RO60: variants seen among roughly 807,000 people sequenced by gnomAD.
The protein encoded by RO60 is RNA-binding protein RO60.
Under a neutral mutation model 55.3 loss-of-function variants are expected in RO60, and 20 were observed. That is an observed-to-expected ratio of 0.36 (90% confidence interval 0.25 to 0.53). The LOEUF (loss-of-function observed/expected upper bound fraction) is 0.53. Among genes scored for constraint, RO60 ranks in the 20% least tolerant of loss-of-function variants. The pLI, the probability that RO60 is intolerant of heterozygous loss-of-function variation, is 0.92. For missense variants in RO60, 558 were observed against 646.6 expected (o/e 0.86, Z 1.49); for synonymous variants, 213 against 213.6 (o/e 1.00, Z 0.02).
rs1302762888 is a variant in RO60, at chr1:193,090,531, T to C, written c.*5800T>C. The C allele has an allele frequency of 6.6e-6, 1 of 151,824 alleles. No homozygotes were observed. The highest frequency in any genetic ancestry group is 1.5e-5 in the Non-Finnish European group (1 of 67,948). The allele number at this position is 151,824 out of a possible 1,614,324, so 9.4% of individuals were successfully genotyped here. A position where few individuals can be genotyped will look rare whatever the true frequency, so the allele number is the denominator to read the frequency against. ...TCCTTTTATTGCCAGCTTCTGATAA[T>C]GAAATTTTCCAAAGGGATGAGATAT... On this transcript the variant is annotated 3_prime_UTR_variant, in exon 9 of 9. Coordinates refer to ENST00000400968, the MANE Select transcript of RO60 (RefSeq NM_001173524.2).
intron 1 of RO60, among the ~76,000 whole-genome samples, chr1:193,061,277 G>A (rs2103009304): frequency 6.6e-6 from 1 of 152,274 alleles, no homozygotes; most frequent in East Asian, 1.9e-4. Context: ...TTGATCAGTG[G>A]ATTCAGATAC....
chr1:193,068,216 T>A (rs1673249119), intron 1 of RO60, among the ~76,000 whole-genome samples: 1 of 152,088 alleles, frequency 6.6e-6, no homozygotes, highest in Non-Finnish European at 1.5e-5. Context: ...TGGGCCTGGG[T>A]CAAGCAGCAG....
intron 2 of RO60, among the ~76,000 whole-genome samples, chr1:193,072,843 A>G (rs1358353706): frequency 1.3e-5 from 2 of 152,176 alleles, no homozygotes; most frequent in Non-Finnish European, 2.9e-5. Flanking sequence ...GAATTAGTAG[A>G]TGTTTCCTAA....
chr1:193,059,829 GCGCAAATTCTGACCAGTCCTC>G lies in RO60; in HGVS notation c.-22+55_-22+75del, dbSNP rs1295135027. Reference sequence around the variant, plus strand: ...GAGCCTTTTGTGCGGCCCCAGGGACGCGCAAATTCTGACCAGTCCTCCATGTCTCTCACCCGCATCCCAGGG... The same window carrying G: ...GAGCCTTTTGTGCGGCCCCAGGGACGCATGTCTCTCACCCGCATCCCAGGG... On this transcript the variant is annotated intron_variant, in intron 1 of 8. Coordinates refer to ENST00000400968, the MANE Select transcript of RO60 (RefSeq NM_001173524.2). This position sits in a 1 kb window ranked among gnomAD's most constrained non-coding sequence, Gnocchi z 4.9. The G allele has an allele frequency of 7.4e-7, 1 of 1,358,888 alleles. No individual in the cohort carries two copies. Among genetic ancestry groups the G allele is most frequent in the South Asian group, 1.2e-5 (1 of 86,708 alleles). 84.2% of individuals were successfully genotyped at this position (1,358,888 alleles called of 1,614,324 possible).
At chr1:193,066,207 C>G (rs766761667) in intron 1 of RO60, among the ~76,000 whole-genome samples, 10 of 152,202 alleles carry the variant, frequency 6.6e-5, no homozygotes, top group Admixed American at 1.3e-4. Context: ...TTAAGAAATT[C>G]CTTCAGTTAT....
rs1465255235 is a variant in RO60, at chr1:193,088,801, ATTT to A, written c.*4072_*4074del. The A allele has an allele frequency of 6.6e-6, 1 of 152,100 alleles. No homozygotes were observed. Among genetic ancestry groups the A allele is most frequent in the Non-Finnish European group, 1.5e-5 (1 of 67,996 alleles). The allele number at this position is 152,100 out of a possible 1,614,324, so 9.4% of individuals were successfully genotyped here. ...GAAATTAGTTGTATTTACTGTTTGG[ATTT>A]TATTTAGTGTTTCCTTGATGTCTGT... On this transcript the variant is annotated 3_prime_UTR_variant, in exon 9 of 9. Transcript: ENST00000400968.
chr1:193,061,922 T>TA (rs1672789721), intron 1 of RO60, among the ~76,000 whole-genome samples: 1 of 150,742 alleles, frequency 6.6e-6, no homozygotes, highest in Non-Finnish European at 1.5e-5. Context: ...GGGCGGAGGT[T>TA]ACAGTGAGTG....
At chr1:193,060,065 G>T in intron 1 of RO60, 1 of 1,314,668 alleles carries the variant, frequency 7.6e-7, no homozygotes, top group South Asian at 1.2e-5. Context: ...CCCACAGGCC[G>T]ACGTCGAGAG....
Position 193,087,561 on chromosome 1 carries a change from C to T in RO60, c.*2830C>T, listed in dbSNP as rs531730884. The T allele has an allele frequency of 6.6e-6, 1 of 152,146 alleles. No homozygotes were observed. Among genetic ancestry groups the T allele is most frequent in the Admixed American group, 6.5e-5 (1 of 15,274 alleles). 9.4% of individuals were successfully genotyped at this position (152,146 alleles called of 1,614,324 possible). A position where few individuals can be genotyped will look rare whatever the true frequency, so the allele number is the denominator to read the frequency against. The stretch of plus-strand genomic sequence containing the variant: ...CTAGTGAATGGAATTTAGTGTTACC[C>T]TTTGACACCTCCTTTGCTTTATCTA... On this transcript the variant is annotated 3_prime_UTR_variant, in exon 9 of 9. Coordinates refer to ENST00000400968, the MANE Select transcript of RO60 (RefSeq NM_001173524.2).
chr1:193,082,310 G>C lies in RO60; in HGVS notation c.1317+11G>C. On this transcript the variant is annotated intron_variant, in intron 7 of 8. Coordinates refer to ENST00000400968, the MANE Select transcript of RO60 (RefSeq NM_001173524.2). The stretch of plus-strand genomic sequence containing the variant: ...ATGGCTATGAGTCAGGTAAGAAACT[G>C]TGTTTTTTAAGTTTACTTAGTTAAG... 5.1e-6 allele frequency: 8 copies of C among 1,555,740 alleles called. No homozygotes were observed. The highest frequency in any genetic ancestry group is 2.2e-5 in the East Asian group (1 of 44,486).
In RO60 at chr1:193,075,849, A is replaced by C. The variant is rs1276090603; in HGVS notation, c.610A>C (p.Lys204Gln). 1.9e-6 allele frequency: 3 copies of C among 1,608,972 alleles called. No homozygotes were observed. The East Asian group carries it at 6.7e-5, about 36-fold the overall frequency. Reference protein sequence around the residue: ...GLAIVTKYITKGWKEVHELYK... With the variant: ...GLAIVTKYITQGWKEVHELYK... ...TGCAATTGTGACCAAATATATTACA[A>C]AGGGCTGGAAAGAAGTTCATGAATT... The change falls in exon 3 of 9, where the codon AAG becomes CAG. Residue 204 changes from lysine to glutamine, a missense_variant. Physicochemically the swap from Lys to Gln is moderately conservative, Grantham distance 53 (BLOSUM62 1). Transcript: ENST00000400968.
chr1:193,069,325 C>T lies in RO60; in HGVS notation c.271C>T (p.Pro91Ser). 2 of 1,614,234 alleles carry T rather than the reference C, an allele frequency of 1.2e-6. No individual in the cohort carries two copies. Among genetic ancestry groups the T allele is most frequent in the Non-Finnish European group, 1.7e-6 (2 of 1,180,050 alleles). Residue 91 changes from proline to serine, a missense_variant, in exon 2 of 9, where the codon CCT becomes TCT. Transcript: ENST00000400968. ...SQEGRTTKQE[P>S]MLFALAICSQ... Reference sequence around the variant, plus strand: ...AGAAGGCAGAACCACAAAGCAAGAGCCTATGCTCTTTGCACTTGCCATTTG... The same window carrying T: ...AGAAGGCAGAACCACAAAGCAAGAGTCTATGCTCTTTGCACTTGCCATTTG...
At position 193,086,173 on chromosome 1, in the gene RO60, G is replaced by T. The variant is rs1209702872; in HGVS notation, c.*1442G>T. The T allele has an allele frequency of 2.7e-6, 1 of 366,452 alleles. No homozygotes were observed. The highest frequency in any genetic ancestry group is 3.8e-6 in the Non-Finnish European group (1 of 264,560). The allele number at this position is 366,452 out of a possible 1,614,324, so 22.7% of individuals were successfully genotyped here. A position where few individuals can be genotyped will look rare whatever the true frequency, so the allele number is the denominator to read the frequency against. On this transcript the variant is annotated 3_prime_UTR_variant, in exon 9 of 9. Transcript: ENST00000400968. ...TAGCCTTTTAGGTGCTTGGGGGTTA[G>T]AGGGTTTATGTTTTTTGGGAAAGGG...
chr1:193,070,577 C>G, intron 2 of RO60: 1 of 446,090 alleles, frequency 2.2e-6, no homozygotes, highest in Non-Finnish European at 4.5e-6. Flanking sequence ...GACAGCCACT[C>G]AGAAGGGTGG....
rs376366989 is a variant in RO60 at position 193,075,798 on chromosome 1, T to A, written c.581-22T>A. The A allele has an allele frequency of 5.3e-5, 82 of 1,549,708 alleles. 1 individual carries two copies. Among genetic ancestry groups the A allele is most frequent in the Non-Finnish European group, 6.7e-5 (76 of 1,141,650 alleles). ...TTACTTGGTAATCCTGCATGCTTTT[T>A]CAATTCTTTATCTTGTTAAAGGACT... On this transcript the variant is annotated intron_variant, in intron 2 of 8. Transcript: ENST00000400968.
At chr1:193,065,944 C>T (rs1221329968) in intron 1 of RO60, among the ~76,000 whole-genome samples, 1 of 152,160 alleles carries the variant, frequency 6.6e-6, no homozygotes, top group Non-Finnish European at 1.5e-5. Context: ...CTCCCATGCA[C>T]TTATCCCTAC....
chr1:193,077,817 G>A (rs2103059558), intron 5 of RO60, among the ~76,000 whole-genome samples: 1 of 152,232 alleles, frequency 6.6e-6, no homozygotes. Context: ...ACATAAGATT[G>A]GTGTGGAGAC....
Position 193,084,963 on chromosome 1 carries a change from T to C in RO60, c.*232T>C, listed in dbSNP as rs1674556516. The C allele has an allele frequency of 6.5e-7, 1 of 1,544,754 alleles. No individual in the cohort carries two copies. Among genetic ancestry groups the C allele is most frequent in the Non-Finnish European group, 8.7e-7 (1 of 1,145,318 alleles). On this transcript the variant is annotated 3_prime_UTR_variant, in exon 9 of 9. Coordinates refer to ENST00000400968, the MANE Select transcript of RO60 (RefSeq NM_001173524.2). Reference sequence around the variant, plus strand: ...CTTCAGGATACTGTAGTTTCCTCTATCTAATAGAGAACTTTTTGTTAACAG... The same window carrying C: ...CTTCAGGATACTGTAGTTTCCTCTACCTAATAGAGAACTTTTTGTTAACAG...
chr1:193,082,234 G>A lies in RO60; in HGVS notation c.1252G>A (p.Glu418Lys). The change falls in exon 7 of 9, where the codon GAA becomes AAA. Residue 418 changes from glutamate (E) to lysine (K), a missense_variant. Transcript: ENST00000400968. ...TTCTTATGTAGTTGCTTTTTCCGAT[G>A]AAATGGTACCATGTCCAGTGACTAC... is the stretch of plus-strand genomic sequence containing the variant. ...KDSYVVAFSD[E>K]MVPCPVTTDM... 6.2e-7 allele frequency: 1 copy of A among 1,613,430 alleles called. No homozygotes were observed. Among genetic ancestry groups the A allele is most frequent in the Non-Finnish European group, 8.5e-7 (1 of 1,179,696 alleles).
Sources: allele counts gnomAD v4.1 joint callset (sites outside exome capture counted in the v4.1 genomes callset), GRCh38; gene constraint gnomAD v4.1.1; non-coding constraint Gnocchi (gnomAD v3.1); transcripts MANE v1.5; gene names NCBI Gene and HGNC (gene_info 2026-07-23, HGNC 2026-07-21).